FLG: variants seen among roughly 807,000 people sequenced by gnomAD.
The protein encoded by FLG is filaggrin.
In FLG, 6 loss-of-function variants were observed where a neutral mutation model predicts 3.8. The observed-to-expected ratio is 1.60, with a 90% CI of 0.87 to 3.15. FLG has a LOEUF of 3.15. Ranked by LOEUF, FLG falls within the 30% of genes most tolerant of loss-of-function variation. The probability of loss-of-function intolerance (pLI) is 0.00; values close to 1 mark genes in which losing one functional copy is unlikely to be tolerated. For missense variants in FLG, 7,595 were observed against 5,050.9 expected (o/e 1.50, Z -15.27); for synonymous variants, 2,551 against 1,931.6 (o/e 1.32, Z -8.41).
rs1484899260 is a variant in FLG, at chr1:152,310,404, C to A, written c.4482G>T (p.Gly1494=). ...ATCCCTGCCTTCCTCCTCTGCTTGA[C>A]CCCGGGTGTCCACGAATGGTGTCCT... ...DGQDTIRGHP[G]SSRGGRQGSY... The change falls in exon 3 of 3, where the codon GGG becomes GGT. Residue 1494 remains glycine (G), a synonymous_variant. Coordinates refer to ENST00000368799, the MANE Select transcript of FLG (RefSeq NM_002016.2). The A allele has an allele frequency of 6.2e-7, 1 of 1,613,532 alleles. No individual in the cohort carries two copies. Among genetic ancestry groups the A allele is most frequent in the African/African-American group, 1.3e-5 (1 of 74,840 alleles).
rs766436341 is a variant in FLG, at chr1:152,313,656, G to A, written c.1230C>T (p.Ser410=). 1.9e-5 allele frequency: 31 copies of A among 1,613,750 alleles called. No individual in the cohort carries two copies. The Admixed American group carries it at 2.2e-4, about 11-fold the overall frequency. Residue 410 remains serine, a synonymous_variant, in exon 3 of 3, where the codon AGC becomes AGT. Coordinates refer to ENST00000368799, the MANE Select transcript of FLG (RefSeq NM_002016.2). ...TGRGQASSAV[S]DRGHRGSSGS... ...CGCTAGACCCCCGGTGTCCACGATCGCTGACTGCAGATGAAGCTTGCCCGC... is the reference window on the plus strand; with the variant it reads ...CGCTAGACCCCCGGTGTCCACGATCACTGACTGCAGATGAAGCTTGCCCGC...
Position 152,313,860 on chromosome 1 carries a change from G to T in FLG, c.1026C>A (p.Asp342Glu). Residue 342 changes from aspartate (D) to glutamate (E), a missense_variant, in exon 3 of 3, where the codon GAC becomes GAA. Transcript: ENST00000368799. Reference sequence around the variant, plus strand: ...CTGCAGAGTGCCCATGACTGGCTCTGTCTTCATCATGGGACCTGGGGTGTC... The same window carrying T: ...CTGCAGAGTGCCCATGACTGGCTCTTTCTTCATCATGGGACCTGGGGTGTC... ...GSRHPRSHDE[D>E]RASHGHSADS... 6.2e-7 allele frequency: 1 copy of T among 1,614,034 alleles called. No homozygotes were observed. The highest frequency in any genetic ancestry group is 8.5e-7 in the Non-Finnish European group (1 of 1,179,948).
At position 152,304,736 on chromosome 1, in the gene FLG, C is replaced by A. The variant is rs1184792705; in HGVS notation, c.10150G>T (p.Gly3384Trp). 1 of 1,613,468 alleles carries A rather than the reference C, an allele frequency of 6.2e-7. No individual in the cohort carries two copies. Among genetic ancestry groups the A allele is most frequent in the Admixed American group, 1.7e-5 (1 of 59,976 alleles). ...GTGCTCACCTGGTAGAGGAAAGACC[C>A]TGAACGTCCAGACCTTCCCCCTGAC... Reference protein sequence around the residue: ...DRSGGRSGRSGSFLYQVSTHE... With the variant: ...DRSGGRSGRSWSFLYQVSTHE... The change falls in exon 3 of 3, where the codon GGG becomes TGG. Residue 3384 changes from glycine (G) to tryptophan (W), a missense_variant. Transcript: ENST00000368799.
chr1:152,307,470 T>G lies in FLG; in HGVS notation c.7416A>C (p.Gly2472=). 3.7e-6 allele frequency: 6 copies of G among 1,613,090 alleles called. No homozygotes were observed. The highest frequency in any genetic ancestry group is 5.1e-6 in the Non-Finnish European group (6 of 1,179,690). ...IHGHPGSSSG[G]RQGSHYEQLV... Reference sequence around the variant, plus strand: ...ATTGCTCGTAGTGGGATCCCTGCCTTCCTCCACTGCTTGACCCCGGGTGTC... The same window carrying G: ...ATTGCTCGTAGTGGGATCCCTGCCTGCCTCCACTGCTTGACCCCGGGTGTC... The change falls in exon 3 of 3, where the codon GGA becomes GGC. Residue 2472 remains glycine, a synonymous_variant. Coordinates refer to ENST00000368799, the MANE Select transcript of FLG (RefSeq NM_002016.2).
At chr1:152,316,442 A>G (rs2101655134) in intron 1 of FLG, among the ~76,000 whole-genome samples, 1 of 152,244 alleles carries the variant, frequency 6.6e-6, no homozygotes, top group African/African-American at 2.4e-5. Flanking sequence ...GAAGAAAATA[A>G]GAAGCATAGA....
Position 152,303,804 on chromosome 1 carries a change from C to T in FLG, c.11082G>A (p.Glu3694=), listed in dbSNP as rs1651753670. The T allele has an allele frequency of 1.9e-6, 3 of 1,613,422 alleles. No individual in the cohort carries two copies. Among genetic ancestry groups the T allele is most frequent in the Non-Finnish European group, 2.5e-6 (3 of 1,179,768 alleles). ...TTCCTGCTGACCGGCCACGTGTGGA[C>T]TCTTGGTGGCTCTGCTGATGGGGCC... ...QAGPHQQSHQ[E]STRGRSAGRS... is the part of the protein sequence containing the mutation. Residue 3694 remains glutamate (E), a synonymous_variant, in exon 3 of 3, where the codon GAG becomes GAA. Coordinates refer to ENST00000368799, the MANE Select transcript of FLG (RefSeq NM_002016.2).
rs1456366767 is a variant in FLG at position 152,304,879 on chromosome 1, C to A, written c.10007G>T (p.Ser3336Ile). ...CTCACTATCACTGGCCTGACTACCA[C>A]TGGACCCCCAGTGTCTACTGTCTCT... ...AVRDSRHWGS[S>I]GSQASDSEGH... The change falls in exon 3 of 3, where the codon AGT (serine) becomes ATT (isoleucine). Residue 3336 changes from serine to isoleucine, a missense_variant. Transcript: ENST00000368799. 21 of 1,613,772 alleles carry A rather than the reference C, an allele frequency of 1.3e-5. No individual in the cohort carries two copies. The highest frequency in any genetic ancestry group is 1.8e-5 in the Non-Finnish European group (21 of 1,179,978).
In FLG at chr1:152,313,869, A is replaced by G. The variant is rs1190998798; in HGVS notation, c.1017T>C (p.His339=). Residue 339 remains histidine (H), a synonymous_variant, in exon 3 of 3, where the codon CAT becomes CAC. Coordinates refer to ENST00000368799, the MANE Select transcript of FLG (RefSeq NM_002016.2). ...GCCCATGACTGGCTCTGTCTTCATC[A>G]TGGGACCTGGGGTGTCTGGAGCCAT... ...SRDGSRHPRS[H]DEDRASHGHS... 3 of 1,613,868 alleles carry G rather than the reference A, an allele frequency of 1.9e-6. No homozygotes were observed. In the South Asian group the frequency reaches 3.3e-5, roughly 18 times the overall value.
At chr1:152,323,272 T>A (rs1020044707) in intron 1 of FLG, among the ~76,000 whole-genome samples, 1 of 151,698 alleles carries the variant, frequency 6.6e-6, no homozygotes, top group Non-Finnish European at 1.5e-5. Flanking sequence ...CAAAAAGTAC[T>A]AATTAATAAG....
chr1:152,308,752 C>A lies in FLG; in HGVS notation c.6134G>T (p.Ser2045Ile), dbSNP rs7546186. ...GHRGYSGSQA[S>I]DSEGHSEDSD... ...GTCTTCTGAATGTCCCTCACTGTCA[C>A]TGGCCTGACTACCACTGTACCCTCG... The change falls in exon 3 of 3, where the codon AGT becomes ATT. Residue 2045 changes from serine to isoleucine, a missense_variant. By Grantham distance (142) the Ser-to-Ile change is moderately radical. Coordinates refer to ENST00000368799, the MANE Select transcript of FLG (RefSeq NM_002016.2). The A allele has an allele frequency of 3.7e-6, 6 of 1,611,402 alleles. No homozygotes were observed. The East Asian group carries it at 1.1e-4, about 30-fold the overall frequency.
In FLG at chr1:152,312,410, G is replaced by A. The variant is rs115746363; in HGVS notation, c.2476C>T (p.Arg826Ter). Reference sequence around the variant, plus strand: ...GATGCTGAGTGCCTGGAGTTGTCTCGTGCCTGCTCATGGTGGGATCCTTGT... The same window carrying A: ...GATGCTGAGTGCCTGGAGTTGTCTCATGCCTGCTCATGGTGGGATCCTTGT... The part of the protein sequence containing the change: ...VRQGSHHEQA[R>*]DNSRHSASQD... Residue 826 changes from arginine to a stop codon, truncating the protein, a stop_gained, in exon 3 of 3, where the codon CGA becomes TGA. Coordinates refer to ENST00000368799, the MANE Select transcript of FLG (RefSeq NM_002016.2). LOFTEE classifies it low-confidence loss of function (END_TRUNC). 731 of 1,613,312 alleles carry A rather than the reference G, an allele frequency of 4.5e-4. 2 individuals carry two copies. In the African/African-American group the frequency reaches 8.4e-3, roughly 18 times the overall value.
At chr1:152,316,576 T>G (rs1350194526) in intron 1 of FLG, among the ~76,000 whole-genome samples, 7 of 152,250 alleles carry the variant, frequency 4.6e-5, no homozygotes, top group Middle Eastern at 3.4e-3. Flanking sequence ...TTGTAAAGAT[T>G]GAATTTAAAA....
rs1315184983 is a variant in FLG, at chr1:152,311,707, T to C, written c.3179A>G (p.Asp1060Gly). The C allele has an allele frequency of 5.0e-6, 8 of 1,614,020 alleles. No individual in the cohort carries two copies. Among genetic ancestry groups the C allele is most frequent in the Non-Finnish European group, 5.1e-6 (6 of 1,180,002 alleles). The change falls in exon 3 of 3, where the codon GAC becomes GGC. Residue 1060 changes from aspartate (D) to glycine (G), a missense_variant. Transcript: ENST00000368799. Reference sequence around the variant, plus strand: ...ACCACTGGACCCCCAGTGTCCACTGTCTCTGACTGCAGATGAAGCTTGTCT... The same window carrying C: ...ACCACTGGACCCCCAGTGTCCACTGCCTCTGACTGCAGATGAAGCTTGTCT... ...PRRQASSAVR[D>G]SGHWGSSGSQ... is the part of the protein sequence containing the mutation.
chr1:152,308,791 C>G lies in FLG; in HGVS notation c.6095G>C (p.Arg2032Thr). 6.2e-7 allele frequency: 1 copy of G among 1,614,188 alleles called. No homozygotes were observed. Residue 2032 changes from arginine to threonine, a missense_variant, in exon 3 of 3, where the codon AGA becomes ACA. Transcript: ENST00000368799. ...IGHGQASSAVRDSGHRGYSGS... is the reference protein window; with the variant it reads ...IGHGQASSAVTDSGHRGYSGS... ...ACTGTACCCTCGGTGTCCACTGTCT[C>G]TGACTGCAGATGAAGCTTGTCCATG... is the stretch of plus-strand genomic sequence containing the variant.
rs1285949984 is a variant in FLG at position 152,309,123 on chromosome 1, G to A, written c.5763C>T (p.Asp1921=). 5.6e-6 allele frequency: 9 copies of A among 1,613,674 alleles called. No individual in the cohort carries two copies. The highest frequency in any genetic ancestry group is 6.8e-6 in the Non-Finnish European group (8 of 1,179,724). ...CTTCTGAGTGTCCCTGACTGTCACTGTCCTGGCTAACACTGGATCCCTGGT... is the reference window on the plus strand; with the variant it reads ...CTTCTGAGTGTCCCTGACTGTCACTATCCTGGCTAACACTGGATCCCTGGT... The part of the protein sequence containing the change: ...SRNQGSSVSQ[D]SDSQGHSEDS... The change falls in exon 3 of 3, where the codon GAC becomes GAT. Residue 1921 remains aspartate, a synonymous_variant. Transcript: ENST00000368799.
chr1:152,320,564 T>C (rs1652928096), intron 1 of FLG, among the ~76,000 whole-genome samples: 1 of 150,954 alleles, frequency 6.6e-6, no homozygotes, highest in South Asian at 2.1e-4. Flanking sequence ...TCAAAATACA[T>C]AAATAAAAAT....
rs1557872079 is a variant in FLG at position 152,305,426 on chromosome 1, C to T, written c.9460G>A (p.Gly3154Arg). ...CTTGCACTTCTGGATCCTGACTGCC[C>T]ACGGGAGGCATCAGACCTTCCCTGG... The part of the protein sequence containing the change: ...TSQGRSDASR[G>R]QSGSRSASRT... The change falls in exon 3 of 3, where the codon GGG becomes AGG. Residue 3154 changes from glycine (G) to arginine (R), a missense_variant. Physicochemically the swap from Gly to Arg is moderately radical, Grantham distance 125. Coordinates refer to ENST00000368799, the MANE Select transcript of FLG (RefSeq NM_002016.2). The T allele has an allele frequency of 6.3e-7, 1 of 1,599,768 alleles. No individual in the cohort carries two copies.
At position 152,310,817 on chromosome 1, in the gene FLG, G is replaced by T; in HGVS notation, c.4069C>A (p.His1357Asn). Residue 1357 changes from histidine to asparagine, a missense_variant, in exon 3 of 3, where the codon CAT becomes AAT. His to Asn is a moderately conservative substitution (Grantham distance 68, BLOSUM62 1). Transcript: ENST00000368799. The part of the protein sequence containing the change: ...EQARSSPGER[H>N]GSRHQQSADS... ...GCTGACTGCTGGTGGCGGGATCCAT[G>T]TCTTTCTCCTGGACTTGATCTTGCC... The T allele has an allele frequency of 6.2e-7, 1 of 1,611,922 alleles. No individual in the cohort carries two copies. The highest frequency in any genetic ancestry group is 8.5e-7 in the Non-Finnish European group (1 of 1,179,110).
Position 152,314,227 on chromosome 1 carries a change from G to C in FLG, c.659C>G (p.Thr220Arg). 1 of 1,613,642 alleles carries C rather than the reference G, an allele frequency of 6.2e-7. No individual in the cohort carries two copies. The part of the protein sequence containing the change: ...NEEGVYDYEN[T>R]GRMTQKWIQS... ...TATCCATTTTTGAGTCATTCTTCCT[G>C]TATTTTCATAATCATATACTCCTTC... The change falls in exon 3 of 3, where the codon ACA (threonine) becomes AGA (arginine). Residue 220 changes from threonine (T) to arginine (R), a missense_variant. Physicochemically the swap from Thr to Arg is moderately conservative, Grantham distance 71. Coordinates refer to ENST00000368799, the MANE Select transcript of FLG (RefSeq NM_002016.2).
Sources: allele counts gnomAD v4.1 joint callset (sites outside exome capture counted in the v4.1 genomes callset), GRCh38; gene constraint gnomAD v4.1.1; transcripts MANE v1.5; gene names NCBI Gene and HGNC (gene_info 2026-07-23, HGNC 2026-07-21).